The following DCAF10 variants were observed in gnomAD, a reference collection of about 807,000 sequenced individuals.
DCAF10 encodes DDB1- and CUL4-associated factor 10.
In DCAF10, 19 loss-of-function variants were observed where a neutral mutation model predicts 51.9. The ratio of observed to expected loss-of-function variants is 0.37; its 90% CI spans 0.26 to 0.54. DCAF10 has a LOEUF of 0.54. Among genes scored for constraint, DCAF10 ranks in the 20% least tolerant of loss-of-function variants. The probability of loss-of-function intolerance (pLI) is 0.87; values close to 1 mark genes in which losing one functional copy is unlikely to be tolerated. For synonymous variants in DCAF10, 291 were observed against 297.1 expected (o/e 0.98, Z 0.21); for missense variants, 510 against 730.6 (o/e 0.70, Z 3.48).
At chr9:37,860,017 A>T in intron 5 of DCAF10, 31 bp from the exon 6 acceptor site, 2 of 1,612,610 alleles carry the variant, frequency 1.2e-6, no homozygotes, top group Non-Finnish European at 1.7e-6. Context: ...TGATAATACA[A>T]ATCCCACATC....
chr9:37,854,698 T>C (rs951839217), intron 3 of DCAF10, 82 bp from the exon 4 acceptor site: 2 of 1,365,508 alleles, frequency 1.5e-6, no homozygotes, highest in African/African-American at 1.5e-5. Context: ...ACATTTTATT[T>C]TGAAGGGCAA....
chr9:37,855,472 T>G (rs774370375), intron 4 of DCAF10, among the ~76,000 whole-genome samples: 2 of 152,250 alleles, frequency 1.3e-5, no homozygotes, highest in Non-Finnish European at 2.9e-5. Context: ...TTGCTAAAAC[T>G]CTGTCTCTTC....
chr9:37,836,518 T>TTC (rs1360126875), intron 2 of DCAF10: 11 of 822,754 alleles, frequency 1.3e-5, no homozygotes, highest in Non-Finnish European at 1.9e-5. Flanking sequence ...CTCTATTGAG[T>TTC]TCTCGTGCCC....
intron 3 of DCAF10, among the ~76,000 whole-genome samples, chr9:37,844,419 G>A (rs1348525956): frequency 2.0e-5 from 3 of 152,240 alleles, no homozygotes; most frequent in Admixed American, 6.5e-5. Context: ...GGAAGGCCGA[G>A]GTGGGTGGAT....
rs1203390879 is a variant in DCAF10, at chr9:37,861,283, A to G, written c.1455A>G (p.Arg485=). 2 of 1,614,198 alleles carry G rather than the reference A, an allele frequency of 1.2e-6. No individual in the cohort carries two copies. The highest frequency in any genetic ancestry group is 8.5e-7 in the Non-Finnish European group (1 of 1,180,026). ...IKELCFSPDG[R]MISSPHGYGI... ...AACTTTGCTTCAGCCCCGATGGACG[A>G]ATGATTTCTTCCCCACATGGCTATG... is the stretch of plus-strand genomic sequence containing the variant. Residue 485 remains arginine, a synonymous_variant, in exon 7 of 7, where the codon CGA becomes CGG. Coordinates refer to ENST00000377724, the MANE Select transcript of DCAF10 (RefSeq NM_024345.5). The surrounding 1 kb of genome is among the most constrained non-coding windows in gnomAD (Gnocchi z 4.9).
rs755644682 is a variant in DCAF10 at position 37,800,846 on chromosome 9, C to T, written c.-21C>T. The stretch of plus-strand genomic sequence containing the variant: ...CGGCCGGCGGGGCAGTGGCCCGGAG[C>T]GGGGGGCGGGGGCGTTGATCATGTT... On this transcript the variant is annotated 5_prime_UTR_variant, in exon 1 of 7. Coordinates refer to ENST00000377724, the MANE Select transcript of DCAF10 (RefSeq NM_024345.5). The T allele has an allele frequency of 2.0e-5, 29 of 1,483,058 alleles. No homozygotes were observed. Among genetic ancestry groups the T allele is most frequent in the South Asian group, 2.7e-5 (2 of 74,806 alleles). The allele number at this position is 1,483,058 out of a possible 1,614,324, so 91.9% of individuals were successfully genotyped here.
At chr9:37,812,176 A>G (rs901283077) in intron 1 of DCAF10, among the ~76,000 whole-genome samples, 1 of 149,970 alleles carries the variant, frequency 6.7e-6, no homozygotes, top group Non-Finnish European at 1.5e-5. Context: ...AAACCTTCTG[A>G]AACAAAACTG....
At position 37,800,816 on chromosome 9, in the gene DCAF10, G is replaced by A. The variant is rs537275470; in HGVS notation, c.-51G>A. ...AGTGGCAGCTGAACAGGGGCACTGA[G>A]GTGTCGGCCGGCGGGGCAGTGGCCC... On this transcript the variant is annotated 5_prime_UTR_variant, in exon 1 of 7. Transcript: ENST00000377724. The A allele has an allele frequency of 2.5e-5, 37 of 1,494,358 alleles. No individual in the cohort carries two copies. In the East Asian group the frequency reaches 7.9e-4, roughly 32 times the overall value. 92.6% of individuals were successfully genotyped at this position (1,494,358 alleles called of 1,614,324 possible). A position where few individuals can be genotyped will look rare whatever the true frequency, so the allele number is the denominator to read the frequency against.
At chr9:37,815,733 G>A (rs1007556207) in intron 1 of DCAF10, among the ~76,000 whole-genome samples, 7 of 151,694 alleles carry the variant, frequency 4.6e-5, no homozygotes, top group African/African-American at 1.7e-4. Context: ...AGAATAGTAA[G>A]ATCGATTGAT....
Position 37,867,514 on chromosome 9 carries a change from C to G in DCAF10, c.*6006C>G, listed in dbSNP as rs1011348073. 6.6e-6 allele frequency: 1 copy of G among 151,410 alleles called. No individual in the cohort carries two copies. The highest frequency in any genetic ancestry group is 2.4e-5 in the African/African-American group (1 of 41,152). The allele number at this position is 151,410 out of a possible 1,614,324, so 9.4% of individuals were successfully genotyped here. A position where few individuals can be genotyped will look rare whatever the true frequency, so the allele number is the denominator to read the frequency against. ...AGACAATATACTAGATACCCAGAAA[C>G]TTTTCTCAGTAGGTTCTGAGGTGTT... On this transcript the variant is annotated 3_prime_UTR_variant, in exon 7 of 7. Coordinates refer to ENST00000377724, the MANE Select transcript of DCAF10 (RefSeq NM_024345.5).
At chr9:37,851,318 G>A (rs1391291706) in intron 3 of DCAF10, among the ~76,000 whole-genome samples, 1 of 151,988 alleles carries the variant, frequency 6.6e-6, no homozygotes, top group Non-Finnish European at 1.5e-5. Flanking sequence ...AAGTACCTGG[G>A]ACCACAGGTG....
intron 2 of DCAF10, among the ~76,000 whole-genome samples, chr9:37,821,160 C>G (rs866071998): frequency 1.3e-5 from 2 of 152,002 alleles, no homozygotes; most frequent in African/African-American, 4.8e-5. Flanking sequence ...AGCATTTACA[C>G]ATATTATTAT....
chr9:37,816,658 G>GT (rs1829543947), intron 1 of DCAF10, among the ~76,000 whole-genome samples: 1 of 146,558 alleles, frequency 6.8e-6, no homozygotes, highest in Non-Finnish European at 1.5e-5. Flanking sequence ...TCTGCACCTG[G>GT]GGTGTGTGTG....
chr9:37,844,855 A>C (rs1319310836), intron 3 of DCAF10, among the ~76,000 whole-genome samples: 1 of 152,102 alleles, frequency 6.6e-6, no homozygotes, highest in Non-Finnish European at 1.5e-5. Context: ...AAAATGGATA[A>C]GGCTGTGGAA....
intron 5 of DCAF10, chr9:37,858,549 G>C (rs986181198): frequency 6.6e-6 from 1 of 152,174 alleles, no homozygotes; most frequent in Non-Finnish European, 1.5e-5. Flanking sequence ...ATATACAGCA[G>C]TTCTATGCCA....
intron 3 of DCAF10, among the ~76,000 whole-genome samples, chr9:37,843,136 G>T (rs1830381260): frequency 1.3e-5 from 2 of 152,150 alleles, no homozygotes; most frequent in Admixed American, 1.3e-4. Context: ...TCCTGCCTCA[G>T]ACTCCTGAGC....
intron 2 of DCAF10, among the ~76,000 whole-genome samples, chr9:37,822,232 G>C (rs1383036402): frequency 1.3e-5 from 2 of 152,016 alleles, no homozygotes; most frequent in African/African-American, 4.8e-5. Context: ...ACTAAAAGTA[G>C]AACTACCATT....
intron 1 of DCAF10, among the ~76,000 whole-genome samples, chr9:37,809,014 A>G (rs1017018961): frequency 2.0e-5 from 3 of 150,258 alleles, no homozygotes; most frequent in East Asian, 2.0e-4. Flanking sequence ...AAGGTGAGGC[A>G]GGAGGACTGC....
intron 4 of DCAF10, 115 bp downstream of exon 4, chr9:37,855,097 G>A: frequency 1.0e-6 from 1 of 971,228 alleles, no homozygotes. Context: ...TTTTTTAAAA[G>A]GCATTCTTTA....
Sources: gnomAD v4.1 joint callset for allele counts (sites outside exome capture counted in the v4.1 genomes callset) on GRCh38, gnomAD v4.1.1 for gene constraint, Gnocchi (gnomAD v3.1) non-coding constraint, MANE v1.5 for transcripts, NCBI Gene and HGNC (gene_info 2026-07-23, HGNC 2026-07-21) for gene names.